The following DOK6 variants were observed in gnomAD, a reference collection of about 807,000 sequenced individuals.
The protein encoded by DOK6 is downstream of tyrosine kinase 6.
A neutral mutation model predicts 44.0 loss-of-function variants in DOK6; 22 were observed. That is an observed-to-expected ratio of 0.50 (90% confidence interval 0.36 to 0.71). The LOEUF (loss-of-function observed/expected upper bound fraction) is 0.71, where lower values mean the gene tolerates loss of function less well. Among genes scored for constraint, DOK6 ranks in the 30% least tolerant of loss-of-function variants. The probability of loss-of-function intolerance (pLI) is 0.00; values close to 1 mark genes in which losing one functional copy is unlikely to be tolerated. For missense variants in DOK6, 340 were observed against 416.4 expected (o/e 0.82, Z 1.60); for synonymous variants, 166 against 145.5 (o/e 1.14, Z -1.01).
chr18:69,537,703 A>T (rs1982160348), intron 1 of DOK6, among the ~76,000 whole-genome samples: 1 of 152,202 alleles, frequency 6.6e-6, no homozygotes, highest in African/African-American at 2.4e-5. Flanking sequence ...AAGGTTTTGA[A>T]TAAGGAATCA....
chr18:69,713,493 T>C (rs1986814845), intron 5 of DOK6, among the ~76,000 whole-genome samples: 1 of 152,300 alleles, frequency 6.6e-6, no homozygotes, highest in South Asian at 2.1e-4. Context: ...CAAATATACT[T>C]ATGTACAGGC....
intron 7 of DOK6, among the ~76,000 whole-genome samples, chr18:69,762,228 G>C (rs1449040606): frequency 6.6e-6 from 1 of 152,116 alleles, no homozygotes; most frequent in Non-Finnish European, 1.5e-5. Context: ...TGTAGTCCTA[G>C]CTACTCTGGA....
intron 2 of DOK6, among the ~76,000 whole-genome samples, chr18:69,593,811 A>T (rs1431332120): frequency 6.6e-6 from 1 of 152,210 alleles, no homozygotes; most frequent in Admixed American, 6.5e-5. Context: ...AGATTTATAA[A>T]TGTTTTTATT....
At chr18:69,764,705 C>G (rs1192644274) in intron 7 of DOK6, among the ~76,000 whole-genome samples, 1 of 152,154 alleles carries the variant, frequency 6.6e-6, no homozygotes, top group Non-Finnish European at 1.5e-5. Flanking sequence ...TGAGAACAGA[C>G]TAATACATAT....
intron 1 of DOK6, among the ~76,000 whole-genome samples, chr18:69,457,882 G>A (rs375515114): frequency 1.1e-3 from 171 of 152,274 alleles, no homozygotes; most frequent in African/African-American, 3.7e-3. Context: ...GGTGGCTCAC[G>A]CCTGTAATCT....
intron 1 of DOK6, among the ~76,000 whole-genome samples, chr18:69,430,042 G>A (rs1184162919): frequency 6.6e-6 from 1 of 152,008 alleles, no homozygotes; most frequent in Non-Finnish European, 1.5e-5. Flanking sequence ...ATTTCTAAGT[G>A]GGCATTTTAC....
intron 1 of DOK6, among the ~76,000 whole-genome samples, chr18:69,408,859 T>G (rs1410457902): frequency 2.0e-5 from 3 of 152,230 alleles, no homozygotes; most frequent in African/African-American, 7.2e-5. Context: ...AAAATAGATG[T>G]ATTTAAATTA....
chr18:69,763,878 T>C (rs187988559), intron 7 of DOK6, among the ~76,000 whole-genome samples: 1 of 152,348 alleles, frequency 6.6e-6, no homozygotes, highest in East Asian at 1.9e-4. Flanking sequence ...TATTGAATTC[T>C]AAAGTGAATT....
At chr18:69,520,910 G>A (rs1568284069) in intron 1 of DOK6, among the ~76,000 whole-genome samples, 1 of 151,810 alleles carries the variant, frequency 6.6e-6, no homozygotes, top group Non-Finnish European at 1.5e-5. Context: ...GAGATATAAT[G>A]ATAAAAAGAG....
intron 3 of DOK6, among the ~76,000 whole-genome samples, chr18:69,640,658 G>T (rs1428727283): frequency 2.6e-5 from 4 of 152,112 alleles, no homozygotes; most frequent in Non-Finnish European, 5.9e-5. Flanking sequence ...ATCCAGATGG[G>T]CTTCTGTTTT....
intron 1 of DOK6, among the ~76,000 whole-genome samples, chr18:69,547,931 A>T (rs1055222219): frequency 6.3e-5 from 9 of 143,582 alleles, no homozygotes; most frequent in Admixed American, 1.4e-4. Flanking sequence ...TATAATATAT[A>T]ATATATATAT....
At chr18:69,425,713 TA>T (rs374319905) in intron 1 of DOK6, among the ~76,000 whole-genome samples, 3,084 of 151,836 alleles carry the variant, frequency 0.02, 80 homozygotes, top group African/African-American at 0.062. Flanking sequence ...TTTAAAGTGT[TA>T]AAAAAAATGT....
intron 6 of DOK6, among the ~76,000 whole-genome samples, chr18:69,746,197 C>G (rs1439522665): frequency 6.6e-6 from 1 of 152,154 alleles, no homozygotes; most frequent in Admixed American, 6.5e-5. Context: ...TGCTGTTATT[C>G]TCAAACTCAG....
chr18:69,788,757 A>G (rs1383173904), intron 7 of DOK6, among the ~76,000 whole-genome samples: 1 of 152,220 alleles, frequency 6.6e-6, no homozygotes, highest in Non-Finnish European at 1.5e-5. Flanking sequence ...AAGACAGACT[A>G]CTTGGTGAGA....
intron 5 of DOK6, among the ~76,000 whole-genome samples, chr18:69,706,169 A>G (rs992835076): frequency 1.9e-4 from 29 of 152,180 alleles, no homozygotes; most frequent in African/African-American, 6.8e-4. Context: ...TATCTTTATG[A>G]CAAGAGACAG....
intron 3 of DOK6, among the ~76,000 whole-genome samples, chr18:69,647,193 A>C (rs1169129668): frequency 2.6e-5 from 4 of 151,584 alleles, no homozygotes; most frequent in Non-Finnish European, 5.9e-5. Context: ...CCATCCATCT[A>C]CCTATCTATC....
chr18:69,841,478 C>A lies in DOK6; in HGVS notation c.*95C>A, dbSNP rs1982219230. 1 of 1,533,304 alleles carries A rather than the reference C, an allele frequency of 6.5e-7. No homozygotes were observed. The highest frequency in any genetic ancestry group is 1.9e-5 in the Admixed American group (1 of 52,612). 95.0% of individuals were successfully genotyped at this position (1,533,304 alleles called of 1,614,324 possible). On this transcript the variant is annotated 3_prime_UTR_variant, in exon 8 of 8. Transcript: ENST00000382713. ...GCCTCCTGGAAGACCAATTGCAGTA[C>A]AAATTGAAATGGGTCGGCTCTAGCC...
intron 4 of DOK6, among the ~76,000 whole-genome samples, chr18:69,690,795 A>G (rs1047894524): frequency 6.6e-6 from 1 of 152,206 alleles, no homozygotes; most frequent in Non-Finnish European, 1.5e-5. Flanking sequence ...ATATTAGACT[A>G]ATGTCTCTGG....
intron 1 of DOK6, among the ~76,000 whole-genome samples, chr18:69,409,943 G>C (rs1275422378): frequency 6.6e-6 from 1 of 152,092 alleles, no homozygotes. Flanking sequence ...GGGTAGTTCT[G>C]TAGAAAGCAT....
Sources: allele counts gnomAD v4.1 joint callset (sites outside exome capture counted in the v4.1 genomes callset), GRCh38; gene constraint gnomAD v4.1.1; transcripts MANE v1.5; gene names NCBI Gene and HGNC (gene_info 2026-07-23, HGNC 2026-07-21).